Variants in AFF3 observed in about 807,000 individuals in gnomAD.
The protein encoded by AFF3 is ALF transcription elongation factor 3.
A neutral mutation model predicts 129.7 loss-of-function variants in AFF3; 32 were observed. The ratio of observed to expected loss-of-function variants is 0.25; its 90% CI spans 0.19 to 0.33. AFF3 has a LOEUF of 0.33. AFF3 is among the 10% of genes least tolerant of loss of function. The pLI, the probability that AFF3 is intolerant of heterozygous loss-of-function variation, is 1.00. For missense variants in AFF3, 1,373 were observed against 1,592.0 expected (o/e 0.86, Z 2.34); for synonymous variants, 644 against 635.4 (o/e 1.01, Z -0.20).
intron 14 of AFF3, among the ~76,000 whole-genome samples, chr2:99,600,479 A>T (rs1244629377): frequency 6.6e-6 from 1 of 152,138 alleles, no homozygotes; most frequent in Non-Finnish European, 1.5e-5. Context: ...GGGGATGCTG[A>T]TCGGGCCCAT....
chr2:99,928,910 G>A (rs543656906), intron 7 of AFF3, among the ~76,000 whole-genome samples: 28 of 152,172 alleles, frequency 1.8e-4, no homozygotes, highest in African/African-American at 4.6e-4. Context: ...AACTCTGACC[G>A]CACAAACACT....
chr2:100,075,006 G>A (rs184474680), intron 4 of AFF3, among the ~76,000 whole-genome samples: 86 of 152,270 alleles, frequency 5.6e-4, no homozygotes, highest in African/African-American at 1.9e-3. Context: ...CTAGCAAACA[G>A]AGCATGTACT....
intron 12 of AFF3, among the ~76,000 whole-genome samples, chr2:99,659,766 C>T (rs533770015): frequency 1.3e-5 from 2 of 152,206 alleles, no homozygotes; most frequent in Non-Finnish European, 2.9e-5. Flanking sequence ...ACTGACGTAG[C>T]TCCTTATCAC....
intron 7 of AFF3, among the ~76,000 whole-genome samples, chr2:99,968,891 C>A (rs1183908688): frequency 6.6e-6 from 1 of 152,190 alleles, no homozygotes. Context: ...TCTTCTTCAT[C>A]ATGTGCCAAA....
At chr2:100,128,370 T>G (rs144535341) in intron 2 of AFF3, among the ~76,000 whole-genome samples, 14 of 152,298 alleles carry the variant, frequency 9.2e-5, no homozygotes, top group African/African-American at 3.1e-4. Context: ...AAAACAGGTA[T>G]GGATAATACC....
At chr2:99,870,658 C>T (rs1405928319) in intron 7 of AFF3, among the ~76,000 whole-genome samples, 1 of 152,182 alleles carries the variant, frequency 6.6e-6, no homozygotes, top group Non-Finnish European at 1.5e-5. Context: ...TGGGCAAGTT[C>T]CCCCAAGAAA....
intron 11 of AFF3, among the ~76,000 whole-genome samples, chr2:99,678,711 A>G (rs756225611): frequency 5.3e-5 from 8 of 152,234 alleles, no homozygotes; most frequent in Non-Finnish European, 8.8e-5. Context: ...ATGTTTATGA[A>G]TCTCCATTAA....
intron 10 of AFF3, among the ~76,000 whole-genome samples, chr2:99,742,338 T>C (rs1160850086): frequency 6.6e-6 from 1 of 152,052 alleles, no homozygotes; most frequent in Non-Finnish European, 1.5e-5. Context: ...AGCAAGACCT[T>C]GTCTCAAGAA....
intron 13 of AFF3, among the ~76,000 whole-genome samples, chr2:99,643,172 G>C (rs1410658475): frequency 6.8e-6 from 1 of 146,332 alleles, no homozygotes; most frequent in African/African-American, 2.5e-5. Flanking sequence ...CGATTCTCCT[G>C]CCTCAGCCTC....
At chr2:99,869,773 G>A (rs893883080) in intron 7 of AFF3, among the ~76,000 whole-genome samples, 1 of 152,160 alleles carries the variant, frequency 6.6e-6, no homozygotes, top group African/African-American at 2.4e-5. Context: ...TTCTGGGGGA[G>A]ATTCAGGGGG....
intron 14 of AFF3, among the ~76,000 whole-genome samples, chr2:99,600,751 T>G (rs1679751504): frequency 6.6e-6 from 1 of 152,218 alleles, no homozygotes; most frequent in African/African-American, 2.4e-5. Flanking sequence ...CTTCATGCTC[T>G]GAATTACTAT....
At chr2:99,633,561 G>C (rs969353615) in intron 13 of AFF3, among the ~76,000 whole-genome samples, 2 of 152,170 alleles carry the variant, frequency 1.3e-5, no homozygotes, top group African/African-American at 4.8e-5. Context: ...ATTGGAGTTT[G>C]AGCCTCACTG....
At chr2:99,892,693 A>G (rs1327604419) in intron 7 of AFF3, among the ~76,000 whole-genome samples, 1 of 152,154 alleles carries the variant, frequency 6.6e-6, no homozygotes, top group Non-Finnish European at 1.5e-5. Flanking sequence ...GCAGTTCCAG[A>G]GGTCCCTTCA....
chr2:100,128,670 C>G (rs1165987342), intron 2 of AFF3, among the ~76,000 whole-genome samples: 1 of 152,176 alleles, frequency 6.6e-6, no homozygotes, highest in East Asian at 1.9e-4. Context: ...ACTGTGACAC[C>G]AGAAGGTGAA....
chr2:99,853,147 T>G (rs761049880), intron 7 of AFF3, among the ~76,000 whole-genome samples: 9 of 152,140 alleles, frequency 5.9e-5, no homozygotes, highest in Non-Finnish European at 1.0e-4. Flanking sequence ...ATTAAAAAAA[T>G]AACATGTCAA....
In AFF3 at chr2:100,088,183, G is replaced by GA. The variant is rs1427910955; in HGVS notation, c.53+16218dup. Among the ~76,000 whole-genome samples the GA allele has an allele frequency of 2.1e-3, 308 of 144,792 alleles. 3 individuals carry two copies. Among genetic ancestry groups the GA allele is most frequent in the Middle Eastern group, 0.011 (3 of 284 alleles). 95.0% of individuals were successfully genotyped at this position (144,792 alleles called of 152,430 possible). A position where few individuals can be genotyped will look rare whatever the true frequency, so the allele number is the denominator to read the frequency against. On this transcript the variant is annotated intron_variant, in intron 4 of 24. Coordinates refer to ENST00000672756, the MANE Select transcript of AFF3 (RefSeq NM_001386135.1). ...GGTCCTAGCCAGGCCAATCGGGCAA[G>GA]AAAAAAAAATTAAAAGCAACCAGAT...
chr2:100,103,514 G>C (rs2666311), intron 4 of AFF3, among the ~76,000 whole-genome samples: 97 of 146,976 alleles, frequency 6.6e-4, no homozygotes, highest in African/African-American at 2.2e-3. Context: ...GAGATAGTGG[G>C]GGGTTGGGGG....
chr2:99,684,494 A>G (rs1190488575), intron 11 of AFF3, among the ~76,000 whole-genome samples: 2 of 152,240 alleles, frequency 1.3e-5, no homozygotes, highest in Non-Finnish European at 2.9e-5. Context: ...AGCAGATCGT[A>G]TAAACGTGAA....
At chr2:99,603,748 T>C (rs959033260) in intron 13 of AFF3, among the ~76,000 whole-genome samples, 12 of 152,170 alleles carry the variant, frequency 7.9e-5, no homozygotes, top group African/African-American at 1.2e-4. Context: ...AAAGCTCTAA[T>C]ATCCAGTGTT....
Sources: gnomAD v4.1 joint callset for allele counts (sites outside exome capture counted in the v4.1 genomes callset) on GRCh38, gnomAD v4.1.1 for gene constraint, MANE v1.5 for transcripts, NCBI Gene and HGNC (gene_info 2026-07-23, HGNC 2026-07-21) for gene names.